Variants in CD163L1 observed in about 807,000 individuals in gnomAD.
CD163L1 encodes the protein CD163 molecule like 1.
In CD163L1, 124 loss-of-function variants were observed where a neutral mutation model predicts 165.4. The observed-to-expected ratio is 0.75, with a 90% CI of 0.65 to 0.87. The LOEUF (loss-of-function observed/expected upper bound fraction) is 0.87, where lower values mean the gene tolerates loss of function less well. Ranked by LOEUF, CD163L1 falls within the 40% of genes least tolerant of loss-of-function variation. CD163L1 has a pLI of 0.00. For missense variants in CD163L1, 1,525 were observed against 1,799.9 expected (o/e 0.85, Z 2.76); for synonymous variants, 585 against 662.2 (o/e 0.88, Z 1.79).
At chr12:7,389,946 TTATATATATATATTTATA>T (rs1164547372) in intron 8 of CD163L1, among the ~76,000 whole-genome samples, 2 of 126,836 alleles carry the variant, frequency 1.6e-5, no homozygotes, top group East Asian at 2.4e-4. Flanking sequence ...ATTAAACATT[TTATATATATATATTTATA>T]TATATATATA....
At chr12:7,350,829 T>C (rs1429612758), downstream of CD163L1, among the ~76,000 whole-genome samples, 1 of 152,134 alleles carries the variant, frequency 6.6e-6, no homozygotes, top group Non-Finnish European at 1.5e-5. Context: ...TCTTTATCCA[T>C]TTAGCATTTA....
the CD163L1 span, among the ~76,000 whole-genome samples, chr12:7,325,483 C>T: frequency 6.6e-6 from 1 of 152,122 alleles, no homozygotes; most frequent in African/African-American, 2.4e-5. Flanking sequence ...CCTGTCTCTA[C>T]TAAAAATACA....
intron 4 of CD163L1, among the ~76,000 whole-genome samples, chr12:7,431,335 C>T (rs187015121): frequency 7.3e-4 from 111 of 151,650 alleles, no homozygotes; most frequent in African/African-American, 2.3e-3. Context: ...AAGAATAGCT[C>T]GAACCCAGGA....
intron 18 of CD163L1, among the ~76,000 whole-genome samples, chr12:7,361,686 C>G (rs1446701047): frequency 1.3e-5 from 2 of 152,126 alleles, no homozygotes; most frequent in Non-Finnish European, 2.9e-5. Context: ...GAAAAAAACA[C>G]AAACAAACAG....
At chr12:7,422,678 C>T (rs1020709670) in intron 4 of CD163L1, among the ~76,000 whole-genome samples, 2 of 148,412 alleles carry the variant, frequency 1.3e-5, no homozygotes, top group African/African-American at 2.5e-5. Flanking sequence ...TCATAACTAT[C>T]TCATATATAT....
intron 4 of CD163L1, among the ~76,000 whole-genome samples, chr12:7,408,376 G>GT (rs1332578054): frequency 2.0e-5 from 3 of 151,244 alleles, no homozygotes; most frequent in Non-Finnish European, 4.4e-5. Context: ...TTGAAAGACA[G>GT]TTAGTCACAG....
chr12:7,421,076 T>TATATATATGTATATATAC (rs1948357374), intron 4 of CD163L1, among the ~76,000 whole-genome samples: 6 of 97,004 alleles, frequency 6.2e-5, no homozygotes, highest in Non-Finnish European at 1.1e-4. Flanking sequence ...TATATATACG[T>TATATATATGTATATATAC]ATATATATAC....
At chr12:7,421,489 A>ATACATATATATACACACATATGTATATG (rs1948406132) in intron 4 of CD163L1, among the ~76,000 whole-genome samples, 1 of 113,624 alleles carries the variant, frequency 8.8e-6, no homozygotes, top group Admixed American at 8.8e-5. Flanking sequence ...ATGTACATAT[A>ATACATATATATACACACATATGTATATG]TACATATATG....
chr12:7,375,036 TGTC>T (rs1303924269), intron 11 of CD163L1, 113 bp from the exon 12 acceptor site: 5 of 1,010,936 alleles, frequency 4.9e-6, no homozygotes, highest in Non-Finnish European at 7.6e-6. Flanking sequence ...TTTCAAACCC[TGTC>T]GTCTATTGAA....
At chr12:7,434,840 T>C (rs1948694337) in intron 2 of CD163L1, among the ~76,000 whole-genome samples, 1 of 152,150 alleles carries the variant, frequency 6.6e-6, no homozygotes, top group East Asian at 1.9e-4. Context: ...CAATATTCTT[T>C]CTGAAAGTGG....
At chr12:7,350,296 A>C (rs757866691), downstream of CD163L1, among the ~76,000 whole-genome samples, 1 of 152,166 alleles carries the variant, frequency 6.6e-6, no homozygotes, top group South Asian at 2.1e-4. Flanking sequence ...ATCACCCCTC[A>C]CATCTAAAGC....
Position 7,398,328 on chromosome 12 carries a change from A to G in CD163L1, c.1665T>C (p.Cys555=), listed in dbSNP as rs780241514. ...CIGNESNIWD[C]EHSGWGKHNC... is the part of the protein sequence containing the mutation. ...TATGCTTTCCCCATCCACTGTGTTC[A>G]CAGTCCCAGATATTTGACTCATTTC... The change falls in exon 7 of 20, where the codon TGT becomes TGC. Residue 555 remains cysteine (C), a synonymous_variant. Transcript: ENST00000313599. The surrounding 1 kb of genome is among the most constrained non-coding windows in gnomAD (Gnocchi z 4.5). The G allele has an allele frequency of 6.2e-7, 1 of 1,614,180 alleles. No individual in the cohort carries two copies. The highest frequency in any genetic ancestry group is 8.5e-7 in the Non-Finnish European group (1 of 1,180,024).
At chr12:7,441,810 T>G (rs1948834723) in intron 1 of CD163L1, among the ~76,000 whole-genome samples, 1 of 152,232 alleles carries the variant, frequency 6.6e-6, no homozygotes, top group African/African-American at 2.4e-5. Context: ...ATTGAGCTCA[T>G]GATTATTTAC....
rs776491893 is a variant in CD163L1 at position 7,374,966 on chromosome 12, TACATGGAAA to T, written c.3002-52_3002-44del. ...AAATGGGGCAAAAGTAAGACCAAAA[TACATGGAAA>T]AGGTTGAAGAGTTCTGTAACAACAT... On this transcript the variant is annotated intron_variant, in intron 11 of 19. Coordinates refer to ENST00000313599, the MANE Select transcript of CD163L1 (RefSeq NM_174941.6). This position sits in a 1 kb window ranked among gnomAD's most constrained non-coding sequence, Gnocchi z 5.4. The T allele has an allele frequency of 1.3e-6, 2 of 1,552,190 alleles. No individual in the cohort carries two copies. The highest frequency in any genetic ancestry group is 1.8e-6 in the Non-Finnish European group (2 of 1,123,894).
At chr12:7,441,945 G>A (rs1382628879) in intron 1 of CD163L1, among the ~76,000 whole-genome samples, 1 of 152,120 alleles carries the variant, frequency 6.6e-6, no homozygotes, top group Non-Finnish European at 1.5e-5. Flanking sequence ...TATGCTACAC[G>A]TGTGGGGAAA....
chr12:7,426,449 A>G (rs1170783816), intron 4 of CD163L1, among the ~76,000 whole-genome samples: 5 of 152,078 alleles, frequency 3.3e-5, no homozygotes, highest in Admixed American at 1.3e-4. Flanking sequence ...CCAGAACTTA[A>G]AGTAAAAATA....
chr12:7,352,208 A>T (rs61936883), downstream of CD163L1, among the ~76,000 whole-genome samples: 1 of 152,126 alleles, frequency 6.6e-6, no homozygotes, highest in African/African-American at 2.4e-5. Flanking sequence ...AAAACAGTCA[A>T]AACTGACCAT....
rs868807842 is a variant in CD163L1, at chr12:7,370,589, C to T, written c.3731-924G>A. 7.2e-5 allele frequency among the ~76,000 whole-genome samples: 11 copies of T among 152,068 alleles called. No homozygotes were observed. In the South Asian group the frequency reaches 1.2e-3, roughly 17 times the overall value. On this transcript the variant is annotated intron_variant, in intron 14 of 19. Transcript: ENST00000313599. The stretch of plus-strand genomic sequence containing the variant: ...TTCAAAAGGGTTTTTTTGATCTAAA[C>T]GTCTCATCCCCCGGTCTGATAAGTC...
At chr12:7,439,473 TTTTTTC>T (rs1336147238) in intron 2 of CD163L1, 1 of 1,582,652 alleles carries the variant, frequency 6.3e-7, no homozygotes. Flanking sequence ...CGGCCTTTGC[TTTTTTC>T]TTTTTCAGAT....
Sources: allele counts gnomAD v4.1 joint callset (sites outside exome capture counted in the v4.1 genomes callset), GRCh38; gene constraint gnomAD v4.1.1; non-coding constraint Gnocchi (gnomAD v3.1); transcripts MANE v1.5; gene names NCBI Gene and HGNC (gene_info 2026-07-23, HGNC 2026-07-21).